THSD7B: variants seen among roughly 807,000 people sequenced by gnomAD.
THSD7B encodes the protein thrombospondin type 1 domain containing 7B.
A neutral mutation model predicts 213.6 loss-of-function variants in THSD7B; 138 were observed. The ratio of observed to expected loss-of-function variants is 0.65; its 90% CI spans 0.56 to 0.74. THSD7B has a LOEUF of 0.74. THSD7B is among the 30% of genes least tolerant of loss of function. The pLI is 0.00. For synonymous variants in THSD7B, 742 were observed against 687.0 expected (o/e 1.08, Z -1.25); for missense variants, 1,931 against 1,991.5 (o/e 0.97, Z 0.58).
intron 1 of THSD7B, among the ~76,000 whole-genome samples, chr2:136,839,688 C>T: frequency 6.6e-6 from 1 of 152,158 alleles, no homozygotes; most frequent in East Asian, 1.9e-4. Context: ...TCTCTTTAAC[C>T]TATTGATCAC....
chr2:137,160,402 G>A (rs746829255), intron 6 of THSD7B, 34 bp downstream of exon 6: 1 of 1,605,674 alleles, frequency 6.2e-7, no homozygotes, highest in Admixed American at 1.7e-5. Flanking sequence ...TTCATTTGCT[G>A]TCAGCGTACA....
At chr2:137,527,981 C>T (rs1448908) in intron 15 of THSD7B, among the ~76,000 whole-genome samples, 43,533 of 151,856 alleles carry the variant, frequency 0.29, 6,794 homozygotes, top group African/African-American at 0.41. Flanking sequence ...ACTTTTCAGC[C>T]GTAAGAATCA....
Position 137,646,723 on chromosome 2 carries a change from C to T in THSD7B, c.3945+4090C>T, listed in dbSNP as rs143010994. ...CCTTGATCTAGGATTTTGCAGCTTC[C>T]AGAACCATGAGCAATAAATTTCCAT... On this transcript the variant is annotated intron_variant, in intron 21 of 27. Transcript: ENST00000409968. Among the ~76,000 whole-genome samples the T allele has an allele frequency of 5.2e-3, 789 of 151,056 alleles. 24 individuals carry two copies. Among genetic ancestry groups the T allele is most frequent in the Admixed American group, 0.049 (743 of 15,096 alleles).
chr2:137,050,021 G>A (rs1687040400), intron 2 of THSD7B, among the ~76,000 whole-genome samples: 1 of 152,036 alleles, frequency 6.6e-6, no homozygotes, highest in South Asian at 2.1e-4. Context: ...CCCCATTTTT[G>A]CTCCAAATGA....
At chr2:136,840,393 TAAAA>T (rs1207561610) in intron 1 of THSD7B, among the ~76,000 whole-genome samples, 1 of 151,784 alleles carries the variant, frequency 6.6e-6, no homozygotes, top group East Asian at 1.9e-4. Context: ...AATAAATAAA[TAAAA>T]AAGAATATTG....
intron 2 of THSD7B, among the ~76,000 whole-genome samples, chr2:136,904,812 A>AAGAG (rs5834524): frequency 0.99 from 149,962 of 152,062 alleles, 73,967 homozygotes; most frequent in East Asian, 1. Context: ...AGAATAAAAA[A>AAGAG]AGAGAGAGAA....
At chr2:137,372,439 G>A (rs566994357) in intron 12 of THSD7B, among the ~76,000 whole-genome samples, 1 of 150,454 alleles carries the variant, frequency 6.6e-6, no homozygotes, top group East Asian at 2.0e-4. Flanking sequence ...GGGTGCCCGA[G>A]GTGGTTGAGT....
Position 137,572,484 on chromosome 2 carries a change from C to A in THSD7B, c.3351C>A (p.Thr1117=), listed in dbSNP as rs1274987386. ...LCNQDEIPPE[T]QSCSLMCPNE... is the part of the protein sequence containing the mutation. ...ACCAGGATGAAATTCCCCCAGAAAC[C>A]CAGTCCTGTTCTCTTATGTGTCCCA... The change falls in exon 17 of 28, where the codon ACC becomes ACA. Residue 1117 remains threonine (T), a synonymous_variant. Coordinates refer to ENST00000409968, the MANE Select transcript of THSD7B (RefSeq NM_001316349.2). 6.2e-7 allele frequency: 1 copy of A among 1,613,842 alleles called. No individual in the cohort carries two copies. Among genetic ancestry groups the A allele is most frequent in the South Asian group, 1.1e-5 (1 of 91,058 alleles).
intron 1 of THSD7B, among the ~76,000 whole-genome samples, chr2:136,853,393 A>G (rs1683129784): frequency 6.6e-6 from 1 of 150,980 alleles, no homozygotes; most frequent in East Asian, 2.3e-4. Context: ...TTTGTAGGAT[A>G]AACCTTAATG....
chr2:137,260,576 G>A (rs1367706009), intron 10 of THSD7B, among the ~76,000 whole-genome samples: 6 of 152,096 alleles, frequency 3.9e-5, no homozygotes, highest in Admixed American at 2.6e-4. Flanking sequence ...GAGCCTGGAC[G>A]ACAAAGGACA....
chr2:136,916,682 T>C (rs1193249538), intron 2 of THSD7B, among the ~76,000 whole-genome samples: 1 of 152,196 alleles, frequency 6.6e-6, no homozygotes, highest in African/African-American at 2.4e-5. Flanking sequence ...TTCCAGATGG[T>C]TTAGTTTTCT....
At chr2:137,536,969 A>G (rs1381454925) in intron 15 of THSD7B, among the ~76,000 whole-genome samples, 3 of 151,828 alleles carry the variant, frequency 2.0e-5, no homozygotes, top group African/African-American at 7.2e-5. Flanking sequence ...CAATAAATTA[A>G]AATGGAATAA....
At position 137,391,132 on chromosome 2, in the gene THSD7B, TCA is replaced by T. The variant is rs1686016565; in HGVS notation, c.2501-14479_2501-14478del. Among the ~76,000 whole-genome samples, 3 of 152,286 alleles carry T rather than the reference TCA, an allele frequency of 2.0e-5. No individual in the cohort carries two copies. In the South Asian group the frequency reaches 6.2e-4, roughly 32 times the overall value. ...GAGACTTTATATTACTGCTTCAAACTCACTATTTCTTATTGGTCGGTTCAGGA... is the reference window on the plus strand; with the variant it reads ...GAGACTTTATATTACTGCTTCAAACTCTATTTCTTATTGGTCGGTTCAGGA... On this transcript the variant is annotated intron_variant, in intron 12 of 27. Coordinates refer to ENST00000409968, the MANE Select transcript of THSD7B (RefSeq NM_001316349.2).
chr2:136,906,432 A>G (rs1684162846), intron 2 of THSD7B: 1 of 152,140 alleles, frequency 6.6e-6, no homozygotes, highest in African/African-American at 2.4e-5. Context: ...TGAGTTTATT[A>G]TTTTTGTACT....
At chr2:136,873,615 A>C (rs937341792) in intron 1 of THSD7B, among the ~76,000 whole-genome samples, 1 of 152,196 alleles carries the variant, frequency 6.6e-6, no homozygotes, top group African/African-American at 2.4e-5. Context: ...ATCATCTTCC[A>C]CTATTTTGCT....
At chr2:136,859,137 C>A (rs1424688419) in intron 1 of THSD7B, among the ~76,000 whole-genome samples, 3 of 152,216 alleles carry the variant, frequency 2.0e-5, no homozygotes, top group African/African-American at 7.2e-5. Flanking sequence ...CTTACTATTT[C>A]TGTACTTGTG....
intron 5 of THSD7B, among the ~76,000 whole-genome samples, chr2:137,126,626 A>G (rs966410568): frequency 3.9e-5 from 6 of 152,166 alleles, no homozygotes; most frequent in African/African-American, 1.4e-4. Context: ...TTGCTTTCTC[A>G]TCATTCATGT....
chr2:136,920,996 C>T (rs955064025), intron 2 of THSD7B, among the ~76,000 whole-genome samples: 1 of 152,084 alleles, frequency 6.6e-6, no homozygotes, highest in African/African-American at 2.4e-5. Flanking sequence ...TCCTGGGCCC[C>T]TGAGAGCCCA....
rs151006299 is a variant in THSD7B, at chr2:137,513,967, C to A, written c.3139-49254C>A. 1.5e-3 allele frequency among the ~76,000 whole-genome samples: 231 copies of A among 152,274 alleles called. 5 individuals are homozygous for A. The Middle Eastern group carries it at 0.027, about 18-fold the overall frequency. On this transcript the variant is annotated intron_variant, in intron 15 of 27. Transcript: ENST00000409968. ...ATGCCTCAAAGTAGCAACACAGTTG[C>A]TTTCTATCTCTATGCCTCACTGCAT...
Sources: gnomAD v4.1 joint callset for allele counts (sites outside exome capture counted in the v4.1 genomes callset) on GRCh38, gnomAD v4.1.1 for gene constraint, MANE v1.5 for transcripts, NCBI Gene and HGNC (gene_info 2026-07-23, HGNC 2026-07-21) for gene names.